Variants in CCBE1 observed in about 807,000 individuals in gnomAD.
The protein encoded by CCBE1 is collagen and calcium binding EGF domains 1, also known as collagen and calcium-binding EGF domain-containing protein 1.
Under a neutral mutation model 50.0 loss-of-function variants are expected in CCBE1, and 37 were observed. The observed-to-expected ratio is 0.74, with a 90% CI of 0.57 to 0.97. The LOEUF is 0.97. CCBE1 is among the 50% of genes least tolerant of loss of function. The pLI is 0.00. For missense variants in CCBE1, 538 were observed against 523.8 expected, an observed-to-expected ratio of 1.03 and a Z score of -0.26; for synonymous variants, 234 against 203.7, an observed-to-expected ratio of 1.15 and a Z score of -1.27.
chr18:59,673,195 A>T (rs1055261308), intron 2 of CCBE1, among the ~76,000 whole-genome samples: 5 of 152,192 alleles, frequency 3.3e-5, no homozygotes, highest in African/African-American at 1.2e-4. Context: ...TCATGCCTGT[A>T]ATCCCAGCTC....
chr18:59,533,330 C>A (rs1358289908), intron 2 of CCBE1, among the ~76,000 whole-genome samples: 1 of 152,026 alleles, frequency 6.6e-6, no homozygotes, highest in African/African-American at 2.4e-5. Flanking sequence ...TTGAAATAGA[C>A]GAAAATTGAA....
intron 2 of CCBE1, among the ~76,000 whole-genome samples, chr18:59,530,188 A>G (rs760587121): frequency 2.6e-5 from 4 of 152,174 alleles, no homozygotes; most frequent in African/African-American, 9.7e-5. Flanking sequence ...GCCCACTGGC[A>G]GAGAAGAGGC....
chr18:59,693,864 C>CTTTTTTTTTTTTTTTTTTTTTTTTT (rs11410421), intron 2 of CCBE1, among the ~76,000 whole-genome samples: 2 of 70,770 alleles, frequency 2.8e-5, no homozygotes, highest in African/African-American at 1.2e-4. Flanking sequence ...AAAGGAAAGC[C>CTTTTTTTTTTTTTTTTTTTTTTTTT]TTTTTTTTTT....
intron 2 of CCBE1, among the ~76,000 whole-genome samples, chr18:59,579,908 A>G (rs1568216393): frequency 6.6e-6 from 1 of 152,110 alleles, no homozygotes; most frequent in Non-Finnish European, 1.5e-5. Flanking sequence ...TGAGCACATG[A>G]AAAAAAAGAT....
chr18:59,682,227 T>G (rs1414689198), intron 2 of CCBE1, among the ~76,000 whole-genome samples: 2 of 152,118 alleles, frequency 1.3e-5, no homozygotes, highest in African/African-American at 4.8e-5. Flanking sequence ...CTGAGAGTGG[T>G]GGCATGCACC....
intron 7 of CCBE1, among the ~76,000 whole-genome samples, chr18:59,441,506 C>CA (rs1910423150): frequency 6.8e-6 from 1 of 146,876 alleles, no homozygotes; most frequent in Admixed American, 6.8e-5. Flanking sequence ...AAAATCAAAA[C>CA]AAAAAAACAC....
chr18:59,572,752 C>G (rs989417623), intron 2 of CCBE1, among the ~76,000 whole-genome samples: 3 of 152,118 alleles, frequency 2.0e-5, no homozygotes, highest in African/African-American at 7.2e-5. Flanking sequence ...ACCATTTTCA[C>G]AAGAATAAAC....
At chr18:59,649,519 C>G (rs1172386640) in intron 2 of CCBE1, among the ~76,000 whole-genome samples, 9 of 152,196 alleles carry the variant, frequency 5.9e-5, no homozygotes, top group African/African-American at 2.2e-4. Context: ...TTACACAGAT[C>G]AACTACATCA....
intron 2 of CCBE1, among the ~76,000 whole-genome samples, chr18:59,654,541 T>C (rs1486404015): frequency 6.6e-6 from 1 of 152,166 alleles, no homozygotes; most frequent in Admixed American, 6.5e-5. Context: ...GGAGAATCAC[T>C]TGAACCCAGG....
chr18:59,543,440 TG>T (rs1915547235), intron 2 of CCBE1, among the ~76,000 whole-genome samples: 2 of 152,242 alleles, frequency 1.3e-5, no homozygotes, highest in Admixed American at 1.3e-4. Context: ...AGTCTGATTA[TG>T]TACATATGAT....
At chr18:59,552,182 G>A (rs1179132112) in intron 2 of CCBE1, among the ~76,000 whole-genome samples, 1 of 152,226 alleles carries the variant, frequency 6.6e-6, no homozygotes, top group Non-Finnish European at 1.5e-5. Context: ...AAAGTGGTAA[G>A]GCTCTTTGTG....
At chr18:59,451,219 C>T (rs1050932402) in intron 6 of CCBE1, among the ~76,000 whole-genome samples, 10 of 152,142 alleles carry the variant, frequency 6.6e-5, no homozygotes, top group Middle Eastern at 3.4e-3. Context: ...AACTGCTCAA[C>T]GTGGGGAGAG....
chr18:59,497,363 T>A (rs2143825418), intron 2 of CCBE1, among the ~76,000 whole-genome samples: 1 of 152,316 alleles, frequency 6.6e-6, no homozygotes, highest in South Asian at 2.1e-4. Context: ...CAGATCATAC[T>A]GAGTAATATA....
chr18:59,673,457 TAAAC>T (rs375052210), intron 2 of CCBE1, among the ~76,000 whole-genome samples: 221 of 152,120 alleles, frequency 1.5e-3, no homozygotes, highest in African/African-American at 5.0e-3. Flanking sequence ...TCTCAAAAAA[TAAAC>T]AAAAATGGTT....
chr18:59,538,880 T>G (rs899992054), intron 2 of CCBE1, among the ~76,000 whole-genome samples: 4 of 152,194 alleles, frequency 2.6e-5, no homozygotes, highest in African/African-American at 9.7e-5. Flanking sequence ...CTTCCATGAT[T>G]AAGTTATAAA....
chr18:59,678,047 T>C (rs545063654), intron 2 of CCBE1, among the ~76,000 whole-genome samples: 51 of 152,142 alleles, frequency 3.4e-4, no homozygotes, highest in Non-Finnish European at 6.6e-4. Flanking sequence ...TACCGGGGGA[T>C]GCAAAGATGG....
At chr18:59,663,177 G>A (rs1201914355) in intron 2 of CCBE1, among the ~76,000 whole-genome samples, 1 of 152,206 alleles carries the variant, frequency 6.6e-6, no homozygotes, top group Admixed American at 6.5e-5. Context: ...GAGAGAAGAA[G>A]ATCCTAATGG....
At chr18:59,606,212 T>C (rs114633444) in intron 2 of CCBE1, among the ~76,000 whole-genome samples, 6,561 of 152,298 alleles carry the variant, frequency 0.043, 380 homozygotes, top group African/African-American at 0.13. Flanking sequence ...GCATACTCCA[T>C]GAGAGACCTT....
At position 59,449,698 on chromosome 18, in the gene CCBE1, G is replaced by T. The variant is rs528359620; in HGVS notation, c.655-1595C>A. On this transcript the variant is annotated intron_variant, in intron 6 of 10. Coordinates refer to ENST00000439986, the MANE Select transcript of CCBE1 (RefSeq NM_133459.4). ...GTTCCTAAGTAGCTGTGTGACTTTG[G>T]TAAGTCCCTTCATCCTTCCAAGTCT... Among the ~76,000 whole-genome samples the T allele has an allele frequency of 1.1e-4, 17 of 152,036 alleles. No individual in the cohort carries two copies. In the South Asian group the frequency reaches 1.2e-3, roughly 11 times the overall value.
Sources: allele counts gnomAD v4.1 joint callset (sites outside exome capture counted in the v4.1 genomes callset), GRCh38; gene constraint gnomAD v4.1.1; transcripts MANE v1.5; gene names NCBI Gene and HGNC (gene_info 2026-07-23, HGNC 2026-07-21).